The following FRYL variants were observed in gnomAD, a reference collection of about 807,000 sequenced individuals.
FRYL encodes FRY like transcription coactivator, also known as protein furry homolog-like.
Under a neutral mutation model 351.2 loss-of-function variants are expected in FRYL, and 150 were observed. That is an observed-to-expected ratio of 0.43 (90% confidence interval 0.37 to 0.49). The LOEUF is 0.49. Among genes scored for constraint, FRYL ranks in the 20% least tolerant of loss-of-function variants. The probability of loss-of-function intolerance (pLI) is 0.00; values close to 1 mark genes in which losing one functional copy is unlikely to be tolerated. For synonymous variants in FRYL, 1,153 were observed against 1,257.1 expected, an observed-to-expected ratio of 0.92 and a Z score of 1.75; for missense variants, 3,036 against 3,619.3, an observed-to-expected ratio of 0.84 and a Z score of 4.13.
intron 1 of FRYL, among the ~76,000 whole-genome samples, chr4:48,744,679 T>TA (rs964389156): frequency 6.6e-6 from 1 of 152,218 alleles, no homozygotes; most frequent in Non-Finnish European, 1.5e-5. Flanking sequence ...ACTACAGAAC[T>TA]AAAATCTTTC....
chr4:48,539,965 G>A lies in FRYL; in HGVS notation c.6393+6C>T. ...AGTGTTACCTTTCAGCATAACATTT[G>A]CTTACCTTTGCTATTCGACTAGCTG... On this transcript the variant is annotated splice_donor_region_variant and intron_variant, in intron 47 of 63. Transcript: ENST00000358350. The A allele has an allele frequency of 6.3e-7, 1 of 1,596,476 alleles. No homozygotes were observed. The highest frequency in any genetic ancestry group is 1.7e-4 in the Middle Eastern group (1 of 6,030).
chr4:48,537,104 T>C (rs1183807740), intron 47 of FRYL, among the ~76,000 whole-genome samples: 1 of 152,194 alleles, frequency 6.6e-6, no homozygotes, highest in Non-Finnish European at 1.5e-5. Context: ...TAATTTAACA[T>C]ATTATTAAAA....
intron 18 of FRYL, among the ~76,000 whole-genome samples, chr4:48,588,676 G>T (rs1169925413): frequency 6.6e-6 from 1 of 151,912 alleles, no homozygotes; most frequent in East Asian, 1.9e-4. Flanking sequence ...TTGGCCCATG[G>T]GCCTCTTTCT....
In FRYL at chr4:48,567,215, C is replaced by T. The variant is rs142479195; in HGVS notation, c.3169+33G>A. The T allele has an allele frequency of 1.5e-5, 23 of 1,552,680 alleles. No individual in the cohort carries two copies. The highest frequency in any genetic ancestry group is 4.1e-5 in the African/African-American group (3 of 72,524). ...GAAAAAATATGACGGTTCCTTAATA[C>T]TCAATAATGCTTTAAGAAACTGAAA... On this transcript the variant is annotated intron_variant, in intron 28 of 63. Coordinates refer to ENST00000358350, the MANE Select transcript of FRYL (RefSeq NM_015030.2). The surrounding 1 kb of genome is among the most constrained non-coding windows in gnomAD (Gnocchi z 4.2).
At chr4:48,545,762 G>C (rs1461623782) in intron 42 of FRYL, among the ~76,000 whole-genome samples, 2 of 152,066 alleles carry the variant, frequency 1.3e-5, no homozygotes, top group Non-Finnish European at 2.9e-5. Context: ...GCAAAGAGTA[G>C]ACCATAAATA....
intron 2 of FRYL, among the ~76,000 whole-genome samples, chr4:48,694,007 C>CA (rs11444153): frequency 0.98 from 149,859 of 152,320 alleles, 73,754 homozygotes; most frequent in East Asian, 1. Flanking sequence ...TGCCCAAAGG[C>CA]TGCAAGGAAG....
chr4:48,501,782 G>T, intron 61 of FRYL, 49 bp from the exon 62 acceptor site: 1 of 1,059,852 alleles, frequency 9.4e-7, no homozygotes, highest in Non-Finnish European at 1.4e-6. Context: ...TTTCTAGACA[G>T]CATATTTCCA....
At chr4:48,586,216 C>A (rs901237545) in intron 19 of FRYL, among the ~76,000 whole-genome samples, 1 of 151,994 alleles carries the variant, frequency 6.6e-6, no homozygotes, top group Non-Finnish European at 1.5e-5. Context: ...AAAAAAAGCA[C>A]AAATGAGACC....
chr4:48,752,693 T>C (rs1201176430), intron 1 of FRYL, among the ~76,000 whole-genome samples: 1 of 152,194 alleles, frequency 6.6e-6, no homozygotes, highest in Non-Finnish European at 1.5e-5. Context: ...AAAAGCAACA[T>C]GATAAAATGT....
intron 15 of FRYL, among the ~76,000 whole-genome samples, chr4:48,594,399 C>T (rs1468783810): frequency 3.3e-5 from 5 of 149,886 alleles, no homozygotes; most frequent in African/African-American, 4.9e-5. Context: ...GGAAATCTCC[C>T]GGGGGGTGGG....
At chr4:48,720,702 C>G (rs1336149612) in intron 1 of FRYL, among the ~76,000 whole-genome samples, 1 of 152,094 alleles carries the variant, frequency 6.6e-6, no homozygotes, top group Middle Eastern at 3.2e-3. Flanking sequence ...CTCTATGGGC[C>G]TGACTACTCT....
chr4:48,648,246 G>A (rs969288959), intron 3 of FRYL, among the ~76,000 whole-genome samples: 5 of 152,026 alleles, frequency 3.3e-5, no homozygotes, highest in African/African-American at 4.8e-5. Context: ...AATCACTGTC[G>A]CAAAGCCCAT....
chr4:48,618,023 G>C (rs1229665755), intron 7 of FRYL: 1 of 152,234 alleles, frequency 6.6e-6, no homozygotes, highest in East Asian at 1.9e-4. Context: ...GCAGTAGTCA[G>C]AGTCCATTGC....
At chr4:48,623,228 T>A in intron 4 of FRYL, 49 bp from the exon 5 acceptor site, 2 of 1,064,758 alleles carry the variant, frequency 1.9e-6, no homozygotes. Flanking sequence ...AGCACAAATA[T>A]AAAACATTAG....
chr4:48,548,619 C>T lies in FRYL; in HGVS notation c.4888+71G>A. 3.5e-6 allele frequency: 3 copies of T among 855,456 alleles called. No homozygotes were observed. The Admixed American group carries it at 6.2e-5, about 18-fold the overall frequency. The allele number at this position is 855,456 out of a possible 1,614,324, so 53.0% of individuals were successfully genotyped here. ...GGAAACAGAAACACATAAAAACTGT[C>T]ATAAAACCATACTGCTTTTAAATTA... is the stretch of plus-strand genomic sequence containing the variant. On this transcript the variant is annotated intron_variant, in intron 40 of 63. Transcript: ENST00000358350.
chr4:48,746,577 AC>A (rs1356167850), intron 1 of FRYL, among the ~76,000 whole-genome samples: 4 of 151,802 alleles, frequency 2.6e-5, no homozygotes, highest in African/African-American at 4.8e-5. Context: ...AAACAAACAA[AC>A]AAAAAACAGG....
chr4:48,540,462 G>T lies in FRYL; in HGVS notation c.6186C>A (p.Leu2062=). Residue 2062 remains leucine, a synonymous_variant, in exon 46 of 64, where the codon CTC becomes CTA. Transcript: ENST00000358350. ...ATGCTGAGGTAAAACCCTTAAGGAA[G>T]AGCTGCTGAAGTCCTGGAAAATTAG... ...KWTNFPGLQQ[L]FLKGFTSAST... 1 of 1,613,676 alleles carries T rather than the reference G, an allele frequency of 6.2e-7. No homozygotes were observed.
chr4:48,704,949 CAAA>C (rs780894705), intron 2 of FRYL, among the ~76,000 whole-genome samples: 2 of 50,710 alleles, frequency 3.9e-5, no homozygotes, highest in Non-Finnish European at 7.8e-5. Context: ...GACTCCGTCT[CAAA>C]AAAAAAAAAA....
Position 48,549,679 on chromosome 4 carries a change from C to T in FRYL, c.4634-56G>A, listed in dbSNP as rs1732236932. 2 of 1,424,598 alleles carry T rather than the reference C, an allele frequency of 1.4e-6. No individual in the cohort carries two copies. Among genetic ancestry groups the T allele is most frequent in the African/African-American group, 1.4e-5 (1 of 70,962 alleles). 88.2% of individuals were successfully genotyped at this position (1,424,598 alleles called of 1,614,324 possible). ...ACCATCTAATTTCTGCCAATATAAGCAAACTCTAGTAAGATCCCAACTATT... is the reference window on the plus strand; with the variant it reads ...ACCATCTAATTTCTGCCAATATAAGTAAACTCTAGTAAGATCCCAACTATT... On this transcript the variant is annotated intron_variant, in intron 38 of 63. Coordinates refer to ENST00000358350, the MANE Select transcript of FRYL (RefSeq NM_015030.2). The surrounding 1 kb of genome is among the most constrained non-coding windows in gnomAD (Gnocchi z 4.2).
Sources: allele counts gnomAD v4.1 joint callset (sites outside exome capture counted in the v4.1 genomes callset), GRCh38; gene constraint gnomAD v4.1.1; non-coding constraint Gnocchi (gnomAD v3.1); transcripts MANE v1.5; gene names NCBI Gene and HGNC (gene_info 2026-07-23, HGNC 2026-07-21).